The following HTR1F variants were observed in gnomAD, a reference collection of about 807,000 sequenced individuals.
HTR1F encodes 5-hydroxytryptamine (serotonin) receptor 1F, G protein-coupled.
HTR1F carries 17 observed loss-of-function variants against 24.0 expected under a neutral mutation model. The ratio of observed to expected loss-of-function variants is 0.71; its 90% confidence interval spans 0.48 to 1.06. The LOEUF (loss-of-function observed/expected upper bound fraction) is 1.06, where lower values mean the gene tolerates loss of function less well. Among genes scored for constraint, HTR1F ranks in the 50% least tolerant of loss-of-function variants. HTR1F has a pLI of 0.00. For synonymous variants in HTR1F, 186 were observed against 156.8 expected, an observed-to-expected ratio of 1.19 and a Z score of -1.39; for missense variants, 391 against 427.8, an observed-to-expected ratio of 0.91 and a Z score of 0.76.
In HTR1F at chr3:87,993,334, C is replaced by T. The variant is rs747680667; in HGVS notation, c.*1484C>T. The T allele has an allele frequency of 5.1e-5, 8 of 158,156 alleles. No homozygotes were observed. Among genetic ancestry groups the T allele is most frequent in the South Asian group, 2.2e-4 (1 of 4,590 alleles). 9.8% of individuals were successfully genotyped at this position (158,156 alleles called of 1,614,324 possible). ...AGACATATACTAGATAGAAGATATA[C>T]GAAATAATAAAATACAGTTTTTTTT... On this transcript the variant is annotated 3_prime_UTR_variant, in exon 3 of 3. Coordinates refer to ENST00000319595, the MANE Select transcript of HTR1F (RefSeq NM_001322209.2).
intron 1 of HTR1F, among the ~76,000 whole-genome samples, chr3:87,794,576 T>C (rs1169268803): frequency 6.6e-6 from 1 of 152,220 alleles, no homozygotes; most frequent in Non-Finnish European, 1.5e-5. Context: ...TTTCCACACG[T>C]CTTTCAGTTA....
chr3:87,804,160 GT>G (rs1254622358), intron 1 of HTR1F, among the ~76,000 whole-genome samples: 1 of 152,084 alleles, frequency 6.6e-6, no homozygotes, highest in Non-Finnish European at 1.5e-5. Flanking sequence ...AAACTAAAAA[GT>G]ATTTTGTTTC....
chr3:87,883,046 G>C (rs555057891), intron 2 of HTR1F, among the ~76,000 whole-genome samples: 48 of 152,152 alleles, frequency 3.2e-4, no homozygotes, highest in African/African-American at 1.1e-3. Context: ...ACACATCCCA[G>C]TAGGGGCGGA....
chr3:87,967,875 G>A (rs552188077), intron 2 of HTR1F, among the ~76,000 whole-genome samples: 15 of 152,270 alleles, frequency 9.9e-5, no homozygotes, highest in South Asian at 2.1e-4. Context: ...ATAGTAGGGC[G>A]CAGCTGTAAA....
chr3:87,956,935 T>C (rs981897915), intron 2 of HTR1F, among the ~76,000 whole-genome samples: 4 of 151,334 alleles, frequency 2.6e-5, no homozygotes, highest in African/African-American at 9.7e-5. Context: ...ATCTTTTTTT[T>C]CTGATCCTCA....
intron 2 of HTR1F, among the ~76,000 whole-genome samples, chr3:87,827,911 G>T (rs1704497811): frequency 6.6e-6 from 1 of 152,044 alleles, no homozygotes; most frequent in Non-Finnish European, 1.5e-5. Context: ...CTTCTCTCCT[G>T]GGGTAACTTA....
intron 2 of HTR1F, among the ~76,000 whole-genome samples, chr3:87,951,206 C>A (rs1704825794): frequency 6.6e-6 from 1 of 152,084 alleles, no homozygotes; most frequent in East Asian, 1.9e-4. Context: ...TAAGTTTTTG[C>A]ATACCATTCT....
intron 2 of HTR1F, among the ~76,000 whole-genome samples, chr3:87,946,815 C>T (rs1282618290): frequency 2.0e-5 from 3 of 151,526 alleles, no homozygotes; most frequent in Admixed American, 6.6e-5. Context: ...TTAGTAGAGT[C>T]GGGGTTTCAC....
chr3:87,847,304 A>AAT (rs1468832113), intron 2 of HTR1F, among the ~76,000 whole-genome samples: 2 of 151,882 alleles, frequency 1.3e-5, no homozygotes, highest in African/African-American at 4.9e-5. Context: ...TCTATTTGAC[A>AAT]ATATATATCA....
chr3:87,868,263 CTG>C (rs1239361914), intron 2 of HTR1F, among the ~76,000 whole-genome samples: 2 of 151,986 alleles, frequency 1.3e-5, no homozygotes, highest in Non-Finnish European at 2.9e-5. Flanking sequence ...AAATCAATGA[CTG>C]TCACTCAGAT....
intron 2 of HTR1F, among the ~76,000 whole-genome samples, chr3:87,902,575 T>G (rs919237025): frequency 2.1e-4 from 32 of 152,246 alleles, no homozygotes; most frequent in Admixed American, 1.2e-3. Context: ...AATTTCTTTT[T>G]TTTGTTTGTT....
At chr3:87,957,323 T>A (rs1289062913) in intron 2 of HTR1F, among the ~76,000 whole-genome samples, 1 of 151,382 alleles carries the variant, frequency 6.6e-6, no homozygotes, top group African/African-American at 2.4e-5. Flanking sequence ...TCAGGATATG[T>A]TATCTTTTAT....
intron 2 of HTR1F, among the ~76,000 whole-genome samples, chr3:87,844,260 G>A (rs1251847574): frequency 1.3e-5 from 2 of 151,486 alleles, no homozygotes; most frequent in African/African-American, 2.4e-5. Context: ...GTTTTGATTT[G>A]CGTTTCTCTG....
intron 2 of HTR1F, among the ~76,000 whole-genome samples, chr3:87,883,960 C>T (rs1306729230): frequency 6.6e-6 from 1 of 152,148 alleles, no homozygotes; most frequent in Non-Finnish European, 1.5e-5. Flanking sequence ...CCTAGCAAGG[C>T]AAGCCAACAT....
At chr3:87,886,180 T>C (rs1411447197) in intron 2 of HTR1F, among the ~76,000 whole-genome samples, 1 of 152,132 alleles carries the variant, frequency 6.6e-6, no homozygotes, top group Non-Finnish European at 1.5e-5. Flanking sequence ...GCAAGGCTGG[T>C]TCAACATTCA....
rs199842041 is a variant in HTR1F, at chr3:87,846,110, T to TAA, written c.-43+23992_-43+23993dup. On this transcript the variant is annotated intron_variant, in intron 2 of 2. Transcript: ENST00000319595. Reference sequence around the variant, plus strand: ...GTAGGGAAGAGAGTAAACAGATAATTAAAAAAACACATAGTTATATAAAAC... The same window carrying TAA: ...GTAGGGAAGAGAGTAAACAGATAATTAAAAAAAAACACATAGTTATATAAAAC... 2.0e-5 allele frequency among the ~76,000 whole-genome samples: 3 copies of TAA among 151,508 alleles called. 1 individual carries two copies. Among genetic ancestry groups the TAA allele is most frequent in the African/African-American group, 7.3e-5 (3 of 41,022 alleles).
chr3:87,859,834 C>A (rs1049258311), intron 2 of HTR1F, among the ~76,000 whole-genome samples: 37 of 152,294 alleles, frequency 2.4e-4, no homozygotes, highest in African/African-American at 8.7e-4. Context: ...TTTCAGGTTG[C>A]AAGTCTAGTC....
At chr3:87,946,423 T>C (rs1704706367) in intron 2 of HTR1F, among the ~76,000 whole-genome samples, 2 of 152,052 alleles carry the variant, frequency 1.3e-5, no homozygotes, top group African/African-American at 4.8e-5. Context: ...GAACCTGAAG[T>C]CTTGTAACCA....
chr3:87,854,249 T>A (rs1342146753), intron 2 of HTR1F, among the ~76,000 whole-genome samples: 1 of 152,026 alleles, frequency 6.6e-6, no homozygotes. Flanking sequence ...GTTTTAGGAC[T>A]CCTTTCTCTT....
Sources: allele counts gnomAD v4.1 joint callset (sites outside exome capture counted in the v4.1 genomes callset), GRCh38; gene constraint gnomAD v4.1.1; transcripts MANE v1.5; gene names NCBI Gene and HGNC (gene_info 2026-07-23, HGNC 2026-07-21).